Variants in DLG4 observed in about 807,000 individuals in gnomAD.
DLG4 encodes disks large homolog 4.
In DLG4, 7 loss-of-function variants were observed where a neutral mutation model predicts 93.8. That is an observed-to-expected ratio of 0.07 (90% confidence interval 0.04 to 0.14). The LOEUF (loss-of-function observed/expected upper bound fraction) is 0.14, where lower values mean the gene tolerates loss of function less well. DLG4 is among the 10% of genes least tolerant of loss of function. DLG4 has a pLI of 1.00. For synonymous variants in DLG4, 341 were observed against 387.6 expected, an observed-to-expected ratio of 0.88 and a Z score of 1.41; for missense variants, 545 against 992.9, an observed-to-expected ratio of 0.55 and a Z score of 6.06.
chr17:7,204,164 G>A, intron 3 of DLG4, 35 bp downstream of exon 3: 2 of 1,604,464 alleles, frequency 1.2e-6, no homozygotes, highest in Non-Finnish European at 8.5e-7. Context: ...CCTTCCTTCT[G>A]CAATGGCCCC....
At chr17:7,213,914 A>T (rs2070804220) in intron 1 of DLG4, 1 of 468,692 alleles carries the variant, frequency 2.1e-6, no homozygotes, top group African/African-American at 2.0e-5. Flanking sequence ...GGATCCAAGG[A>T]GTCAGTGCGG....
chr17:7,200,916 G>A (rs1270295146), intron 8 of DLG4, among the ~76,000 whole-genome samples: 1 of 139,312 alleles, frequency 7.2e-6, no homozygotes, highest in South Asian at 2.3e-4. Flanking sequence ...CTGGAGTGCA[G>A]TGGTGAGATC....
chr17:7,190,434 T>TG lies in DLG4; in HGVS notation c.*273dup. 2 of 445,172 alleles carry TG rather than the reference T, an allele frequency of 4.5e-6. No individual in the cohort carries two copies. Among genetic ancestry groups the TG allele is most frequent in the Non-Finnish European group, 8.2e-6 (2 of 243,848 alleles). The allele number at this position is 445,172 out of a possible 1,614,324, so 27.6% of individuals were successfully genotyped here. A position where few individuals can be genotyped will look rare whatever the true frequency, so the allele number is the denominator to read the frequency against. ...GGTCTGTGTGTGCATTGGGGGCAGG[T>TG]GGGGGCGGGGATCCTAAGGAGCAAG... On this transcript the variant is annotated 3_prime_UTR_variant, in exon 20 of 20. Coordinates refer to ENST00000399506, the MANE Select transcript of DLG4 (RefSeq NM_001321075.3).
At chr17:7,210,998 G>A (rs2142915160) in intron 1 of DLG4, among the ~76,000 whole-genome samples, 1 of 151,856 alleles carries the variant, frequency 6.6e-6, no homozygotes, top group South Asian at 2.1e-4. Context: ...GAGGCAACAT[G>A]GAGAAAATGG....
chr17:7,208,908 C>G lies in DLG4; in HGVS notation c.31-669G>C, dbSNP rs541157089. 3.3e-5 allele frequency among the ~76,000 whole-genome samples: 5 copies of G among 152,140 alleles called. No homozygotes were observed. In the South Asian group the frequency reaches 1.0e-3, roughly 32 times the overall value. On this transcript the variant is annotated intron_variant, in intron 1 of 19. Transcript: ENST00000399506. The surrounding 1 kb of genome is among the most constrained non-coding windows in gnomAD (Gnocchi z 5.4). ...AGGACAAGGCTAAGCCTGTCCAGTT[C>G]ACTGCCCTTGCTGGTTTCCAAGCAG...
rs2069651963 is a variant in DLG4 at position 7,194,234 on chromosome 17, C to A, written c.1478+85G>T. The A allele has an allele frequency of 1.3e-6, 2 of 1,500,980 alleles. No individual in the cohort carries two copies. Among genetic ancestry groups the A allele is most frequent in the Non-Finnish European group, 1.8e-6 (2 of 1,115,450 alleles). 93.0% of individuals were successfully genotyped at this position (1,500,980 alleles called of 1,614,324 possible). ...ACCCCTAGGAGTTCAGAGGGCAAAC[C>A]CATCCCCTGTTGGCTGCCCACCCCG... is the stretch of plus-strand genomic sequence containing the variant. On this transcript the variant is annotated intron_variant, in intron 12 of 19. Transcript: ENST00000399506. The surrounding 1 kb of genome is among the most constrained non-coding windows in gnomAD (Gnocchi z 4.4).
chr17:7,192,568 C>A, intron 17 of DLG4: 1 of 238,524 alleles, frequency 4.2e-6, no homozygotes, highest in South Asian at 8.0e-5. Context: ...AGCCGGGCCC[C>A]AGAAAAGGGT....
In DLG4 at chr17:7,191,650, C is replaced by A; in HGVS notation, c.1976+243G>T. On this transcript the variant is annotated intron_variant, in intron 18 of 19. Coordinates refer to ENST00000399506, the MANE Select transcript of DLG4 (RefSeq NM_001321075.3). This position sits in a 1 kb window ranked among gnomAD's most constrained non-coding sequence, Gnocchi z 6.6. ...TCCAATTCCCAACAGCCCTAGAGGC[C>A]CTGACTCGCCCCAGCTGGTATGCCC... 1 of 586,678 alleles carries A rather than the reference C, an allele frequency of 1.7e-6. No individual in the cohort carries two copies. Among genetic ancestry groups the A allele is most frequent in the Non-Finnish European group, 3.1e-6 (1 of 326,390 alleles). The allele number at this position is 586,678 out of a possible 1,614,324, so 36.3% of individuals were successfully genotyped here.
Position 7,195,270 on chromosome 17 carries a change from A to C in DLG4, c.1302-775T>G, listed in dbSNP as rs1409190802. 6.6e-6 allele frequency among the ~76,000 whole-genome samples: 1 copy of C among 151,938 alleles called. No homozygotes were observed. The highest frequency in any genetic ancestry group is 1.5e-5 in the Non-Finnish European group (1 of 67,992). On this transcript the variant is annotated intron_variant, in intron 11 of 19. Transcript: ENST00000399506. The surrounding 1 kb of genome is among the most constrained non-coding windows in gnomAD (Gnocchi z 4.3). ...AATGGGCCTGGAGAGGAGGGAGGAG[A>C]CCCCGGGCCCCCTGGAAGTGTGACA...
At chr17:7,211,975 C>T (rs552986778) in intron 1 of DLG4, among the ~76,000 whole-genome samples, 1 of 152,140 alleles carries the variant, frequency 6.6e-6, no homozygotes, top group Admixed American at 6.5e-5. Context: ...TATTCCGACC[C>T]CTCTACAATT....
intron 17 of DLG4, 192 bp from the exon 18 acceptor site, chr17:7,192,194 G>T (rs1267454534): frequency 9.1e-6 from 4 of 441,382 alleles, no homozygotes; most frequent in Non-Finnish European, 1.6e-5. Context: ...AAGACAGAGG[G>T]AAAGGAAAGG....
At position 7,208,844 on chromosome 17, in the gene DLG4, C is replaced by A. The variant is rs1358533640; in HGVS notation, c.31-605G>T. 6.6e-6 allele frequency among the ~76,000 whole-genome samples: 1 copy of A among 152,102 alleles called. No homozygotes were observed. Among genetic ancestry groups the A allele is most frequent in the Non-Finnish European group, 1.5e-5 (1 of 68,026 alleles). On this transcript the variant is annotated intron_variant, in intron 1 of 19. Coordinates refer to ENST00000399506, the MANE Select transcript of DLG4 (RefSeq NM_001321075.3). The surrounding 1 kb of genome is among the most constrained non-coding windows in gnomAD (Gnocchi z 5.4). ...CTCCTTAGGCAAGGACTGAAGTCAC[C>A]CCTTCCACCAGAAGGTACTTGGTAT... is the stretch of plus-strand genomic sequence containing the variant.
At chr17:7,217,791 C>T (rs2071001420), upstream of DLG4, 7 of 1,535,162 alleles carry the variant, frequency 4.6e-6, no homozygotes, top group South Asian at 4.8e-5. Context: ...CCTGGCCAGC[C>T]ACCAGCGATG....
chr17:7,207,956 C>T, intron 2 of DLG4: 1 of 926,918 alleles, frequency 1.1e-6, no homozygotes, highest in Non-Finnish European at 1.4e-6. Flanking sequence ...CAAACCCCCG[C>T]CCCCAGTCCC....
At chr17:7,205,515 G>A (rs1172773820) in intron 2 of DLG4, among the ~76,000 whole-genome samples, 2 of 152,082 alleles carry the variant, frequency 1.3e-5, no homozygotes, top group African/African-American at 2.4e-5. Flanking sequence ...CCCGTCCAAA[G>A]GGGTCCCTCC....
Position 7,203,632 on chromosome 17 carries a change from G to A in DLG4, c.336-39C>T. ...GGTGGGCCTGAGCCAAGAGCTTCCT[G>A]CTGCCCTGGCCCTCCCTCTCCAGGG... On this transcript the variant is annotated intron_variant, in intron 5 of 19. Transcript: ENST00000399506. This position sits in a 1 kb window ranked among gnomAD's most constrained non-coding sequence, Gnocchi z 7.2. 6.2e-7 allele frequency: 1 copy of A among 1,609,442 alleles called. No individual in the cohort carries two copies. The highest frequency in any genetic ancestry group is 8.5e-7 in the Non-Finnish European group (1 of 1,176,174).
chr17:7,191,378 G>T lies in DLG4; in HGVS notation c.1977-20C>A. 6.2e-7 allele frequency: 1 copy of T among 1,609,338 alleles called. No individual in the cohort carries two copies. The highest frequency in any genetic ancestry group is 8.5e-7 in the Non-Finnish European group (1 of 1,175,990). On this transcript the variant is annotated intron_variant, in intron 18 of 19. Coordinates refer to ENST00000399506, the MANE Select transcript of DLG4 (RefSeq NM_001321075.3). This position sits in a 1 kb window ranked among gnomAD's most constrained non-coding sequence, Gnocchi z 6.6. Reference sequence around the variant, plus strand: ...ATCTCTCTGTGAAGAGGGAGGGAGAGCAGGCCTGAGACTGGACCCACCTGA... The same window carrying T: ...ATCTCTCTGTGAAGAGGGAGGGAGATCAGGCCTGAGACTGGACCCACCTGA...
intron 17 of DLG4, chr17:7,192,473 G>T (rs1261934433): frequency 7.2e-6 from 1 of 139,004 alleles, no homozygotes; most frequent in African/African-American, 2.9e-5. Flanking sequence ...GGCAGATGGA[G>T]AAAGGAACCG....
Position 7,194,023 on chromosome 17 carries a change from C to T in DLG4, c.1479-23G>A, listed in dbSNP as rs762285058. ...ACCCTGTGGGATACATGGAGGGATA[C>T]GCGGGTAGGGGAATGCCTACCCCCT... is the stretch of plus-strand genomic sequence containing the variant. On this transcript the variant is annotated intron_variant, in intron 12 of 19. Transcript: ENST00000399506. This position sits in a 1 kb window ranked among gnomAD's most constrained non-coding sequence, Gnocchi z 4.4. The T allele has an allele frequency of 1.2e-5, 20 of 1,612,236 alleles. No homozygotes were observed. Among genetic ancestry groups the T allele is most frequent in the Middle Eastern group, 1.6e-4 (1 of 6,080 alleles).
Sources: gnomAD v4.1 joint callset for allele counts (sites outside exome capture counted in the v4.1 genomes callset) on GRCh38, gnomAD v4.1.1 for gene constraint, Gnocchi (gnomAD v3.1) non-coding constraint, MANE v1.5 for transcripts, NCBI Gene and HGNC (gene_info 2026-07-23, HGNC 2026-07-21) for gene names.